Variants in FOCAD observed in about 807,000 individuals in gnomAD.
The protein encoded by FOCAD is KIAA1797.
In FOCAD, 198 loss-of-function variants were observed where a neutral mutation model predicts 225.6. The ratio of observed to expected loss-of-function variants is 0.88; its 90% confidence interval spans 0.78 to 0.99. The LOEUF is 0.99. FOCAD is among the 50% of genes least tolerant of loss of function. The pLI is 0.00. For synonymous variants in FOCAD, 897 were observed against 755.0 expected (o/e 1.19, Z -3.08); for missense variants, 2,713 against 2,123.6 (o/e 1.28, Z -5.46).
intron 21 of FOCAD, chr9:20,896,873 G>C (rs139072715): frequency 6.6e-6 from 1 of 151,792 alleles, no homozygotes; most frequent in Admixed American, 6.6e-5. Context: ...TTCTGCTGCC[G>C]TTGCATAAAA....
At chr9:20,856,149 T>C (rs1013761874) in intron 15 of FOCAD, among the ~76,000 whole-genome samples, 28 of 151,962 alleles carry the variant, frequency 1.8e-4, no homozygotes, top group African/African-American at 6.8e-4. Context: ...CAGTTCTATT[T>C]TTAATTTTTT....
chr9:20,915,789 G>T (rs957627845), intron 23 of FOCAD, among the ~76,000 whole-genome samples: 2 of 152,158 alleles, frequency 1.3e-5, no homozygotes, highest in East Asian at 3.9e-4. Flanking sequence ...TGATGCAGCA[G>T]AGAGGAGGGA....
At chr9:20,848,205 C>T (rs538987091) in intron 15 of FOCAD, among the ~76,000 whole-genome samples, 2 of 152,050 alleles carry the variant, frequency 1.3e-5, no homozygotes, top group East Asian at 1.9e-4. Flanking sequence ...AAAGTATGGG[C>T]GGCCATGTAG....
intron 23 of FOCAD, among the ~76,000 whole-genome samples, chr9:20,915,939 T>A (rs1023464940): frequency 2.6e-5 from 4 of 152,152 alleles, no homozygotes; most frequent in Non-Finnish European, 4.4e-5. Context: ...AATACGGAAA[T>A]TAAACAGTAC....
chr9:20,955,309 A>G (rs1486243171), intron 35 of FOCAD, among the ~76,000 whole-genome samples: 1 of 152,082 alleles, frequency 6.6e-6, no homozygotes, highest in Non-Finnish European at 1.5e-5. Flanking sequence ...AATTTAGCCA[A>G]TCAAATTTGA....
At chr9:20,865,454 T>G (rs1292587658) in intron 16 of FOCAD, among the ~76,000 whole-genome samples, 1 of 152,122 alleles carries the variant, frequency 6.6e-6, no homozygotes, top group Non-Finnish European at 1.5e-5. Context: ...ATTTGTCATC[T>G]TTGAGGAACT....
intron 15 of FOCAD, among the ~76,000 whole-genome samples, chr9:20,842,225 G>C (rs1056218985): frequency 6.6e-5 from 10 of 151,920 alleles, no homozygotes; most frequent in Admixed American, 2.0e-4. Flanking sequence ...TATTTCTGCA[G>C]CTGTTGGATG....
chr9:20,801,256 A>G (rs768974195), intron 11 of FOCAD, among the ~76,000 whole-genome samples: 1 of 152,194 alleles, frequency 6.6e-6, no homozygotes, highest in Non-Finnish European at 1.5e-5. Flanking sequence ...GTTACATGGG[A>G]TAAAGAGGGG....
chr9:20,744,958 T>G (rs1827926762), intron 5 of FOCAD, among the ~76,000 whole-genome samples: 1 of 152,198 alleles, frequency 6.6e-6, no homozygotes, highest in Non-Finnish European at 1.5e-5. Flanking sequence ...AGAAGCCACT[T>G]TCTAGTTATA....
At chr9:20,675,059 GT>G (rs1177148673) in intron 2 of FOCAD, among the ~76,000 whole-genome samples, 3 of 152,184 alleles carry the variant, frequency 2.0e-5, no homozygotes, top group Non-Finnish European at 4.4e-5. Flanking sequence ...CTTCTTCCTT[GT>G]AAGACCCTCT....
At chr9:20,678,060 A>G (rs1822287441) in intron 2 of FOCAD, among the ~76,000 whole-genome samples, 1 of 152,238 alleles carries the variant, frequency 6.6e-6, no homozygotes. Flanking sequence ...AAAACATATC[A>G]GGAAGAACAA....
rs1277445667 is a variant in FOCAD, at chr9:20,862,787, A to G, written c.2055+75A>G. ...TGTGTTATAATAACTTTTGGAATAA[A>G]TATTCCTAATCTGTTGTTGTTGTTG... is the stretch of plus-strand genomic sequence containing the variant. On this transcript the variant is annotated intron_variant, in intron 16 of 43. Coordinates refer to ENST00000338382, the MANE Select transcript of FOCAD (RefSeq NM_001375567.1). 11 of 1,491,278 alleles carry G rather than the reference A, an allele frequency of 7.4e-6. 1 individual carries two copies. In the South Asian group the frequency reaches 1.2e-4, roughly 16 times the overall value. The allele number at this position is 1,491,278 out of a possible 1,614,324, so 92.4% of individuals were successfully genotyped here.
At chr9:20,975,211 C>T (rs542846376) in intron 35 of FOCAD, among the ~76,000 whole-genome samples, 3 of 152,270 alleles carry the variant, frequency 2.0e-5, no homozygotes, top group South Asian at 4.1e-4. Flanking sequence ...CGTAGTTTCA[C>T]GTTTACATGG....
At chr9:20,779,308 G>A (rs932150293) in intron 9 of FOCAD, among the ~76,000 whole-genome samples, 1 of 152,230 alleles carries the variant, frequency 6.6e-6, no homozygotes, top group Non-Finnish European at 1.5e-5. Context: ...GGGCAAATAA[G>A]TCATACTTTT....
intron 15 of FOCAD, among the ~76,000 whole-genome samples, chr9:20,843,465 C>T (rs1826756464): frequency 1.3e-5 from 2 of 152,032 alleles, no homozygotes; most frequent in South Asian, 4.1e-4. Context: ...AGAGAGTCTG[C>T]TGCTAGACTT....
intron 4 of FOCAD, among the ~76,000 whole-genome samples, chr9:20,734,910 T>C (rs1186201654): frequency 1.3e-5 from 2 of 152,172 alleles, no homozygotes; most frequent in African/African-American, 2.4e-5. Context: ...AGTGCTGGGA[T>C]TATAGGAATA....
intron 11 of FOCAD, among the ~76,000 whole-genome samples, chr9:20,800,723 T>G (rs202045144): frequency 6.6e-6 from 1 of 152,132 alleles, no homozygotes; most frequent in African/African-American, 2.4e-5. Context: ...ACTTCTCTGC[T>G]TTGGTTATTC....
intron 5 of FOCAD, among the ~76,000 whole-genome samples, chr9:20,750,976 A>G (rs986999101): frequency 2.0e-5 from 3 of 152,060 alleles, no homozygotes; most frequent in African/African-American, 7.2e-5. Flanking sequence ...TTCGCTCTGG[A>G]AAGTATTTAG....
chr9:20,703,629 T>A (rs1332368062), intron 1 of FOCAD, among the ~76,000 whole-genome samples: 1 of 152,076 alleles, frequency 6.6e-6, no homozygotes, highest in African/African-American at 2.4e-5. Context: ...TGCATATAAG[T>A]AATTTATCTT....
Sources: gnomAD v4.1 joint callset for allele counts (sites outside exome capture counted in the v4.1 genomes callset) on GRCh38, gnomAD v4.1.1 for gene constraint, MANE v1.5 for transcripts, NCBI Gene and HGNC (gene_info 2026-07-23, HGNC 2026-07-21) for gene names.